The following FRMD3 variants were observed in gnomAD, a reference collection of about 807,000 sequenced individuals.
FRMD3 encodes FERM domain-containing protein 3.
Under a neutral mutation model 70.2 loss-of-function variants are expected in FRMD3, and 33 were observed. The observed-to-expected ratio is 0.47, with a 90% CI of 0.36 to 0.63. The LOEUF (loss-of-function observed/expected upper bound fraction) is 0.63. Among genes scored for constraint, FRMD3 ranks in the 20% least tolerant of loss-of-function variants. The pLI is 0.00. For missense variants in FRMD3, 632 were observed against 711.4 expected, an observed-to-expected ratio of 0.89 and a Z score of 1.27; for synonymous variants, 279 against 255.9, an observed-to-expected ratio of 1.09 and a Z score of -0.86.
intron 3 of FRMD3, among the ~76,000 whole-genome samples, chr9:83,357,242 CATACATATATATATATATATATAT>C (rs1354865099): frequency 0.078 from 1,027 of 13,244 alleles, 111 homozygotes; most frequent in Admixed American, 0.1. Context: ...ATATATAATA[CATACATATATATATATATATATAT>C]ATATATATAT....
intron 13 of FRMD3, among the ~76,000 whole-genome samples, chr9:83,261,102 G>GACACACACACACACACACACACACACAC (rs59345002): frequency 2.3e-5 from 3 of 133,038 alleles, no homozygotes; most frequent in East Asian, 2.3e-4. Flanking sequence ...AGGAAACTTA[G>GACACACACACACACACACACACACACAC]ACACACACAC....
chr9:83,251,106 T>G (rs908927940), intron 13 of FRMD3, among the ~76,000 whole-genome samples: 7 of 152,178 alleles, frequency 4.6e-5, no homozygotes, highest in African/African-American at 1.7e-4. Context: ...TACAGGTGCA[T>G]GCAGGCCAGC....
At chr9:83,267,781 C>A (rs561326454) in intron 13 of FRMD3, among the ~76,000 whole-genome samples, 1 of 152,100 alleles carries the variant, frequency 6.6e-6, no homozygotes, top group Admixed American at 6.5e-5. Context: ...TGGGACGAAG[C>A]CTTTGGAATT....
the FRMD3 span, among the ~76,000 whole-genome samples, chr9:83,554,245 A>G: frequency 6.6e-6 from 1 of 152,110 alleles, no homozygotes; most frequent in Non-Finnish European, 1.5e-5. Context: ...CACAGTTGCA[A>G]CTGTGTTCCC....
intron 1 of FRMD3, among the ~76,000 whole-genome samples, chr9:83,423,631 G>A (rs996924778): frequency 3.0e-5 from 3 of 101,008 alleles, no homozygotes; most frequent in African/African-American, 1.2e-4. Flanking sequence ...AGTTTCGCTT[G>A]CATCGCTCAG....
intron 12 of FRMD3, among the ~76,000 whole-genome samples, chr9:83,292,161 C>CTT (rs11462258): frequency 0.071 from 10,026 of 141,100 alleles, 470 homozygotes; most frequent in African/African-American, 0.11. Flanking sequence ...TTAATAAATA[C>CTT]TTTTTTTTTT....
At chr9:83,407,863 C>CTCTCTCTCTCATCTT (rs1564062649) in intron 1 of FRMD3, among the ~76,000 whole-genome samples, 9 of 119,492 alleles carry the variant, frequency 7.5e-5, no homozygotes, top group Non-Finnish European at 1.5e-4. Context: ...CTCTCTCTCT[C>CTCTCTCTCTCATCTT]TCTCTCTCTC....
chr9:83,321,793 G>A (rs965965818), intron 6 of FRMD3, among the ~76,000 whole-genome samples: 1 of 152,112 alleles, frequency 6.6e-6, no homozygotes, highest in African/African-American at 2.4e-5. Flanking sequence ...TCCCACTATT[G>A]TTGTATTTCT....
At chr9:83,454,795 T>A (rs1827772500) in intron 1 of FRMD3, among the ~76,000 whole-genome samples, 1 of 152,212 alleles carries the variant, frequency 6.6e-6, no homozygotes, top group South Asian at 2.1e-4. Flanking sequence ...CTATTCATCT[T>A]TGCAAACATT....
At chr9:83,357,241 ACATAC>A (rs1306815629) in intron 3 of FRMD3, among the ~76,000 whole-genome samples, 679 of 7,054 alleles carry the variant, frequency 0.096, 102 homozygotes, top group African/African-American at 0.22. Context: ...TATATATAAT[ACATAC>A]ATATATATAT....
In FRMD3 at chr9:83,246,916, C is replaced by T; in HGVS notation, c.*1002G>A. The T allele has an allele frequency of 2.0e-6, 2 of 985,462 alleles. No homozygotes were observed. Among genetic ancestry groups the T allele is most frequent in the South Asian group, 4.7e-5 (1 of 21,294 alleles). 61.0% of individuals were successfully genotyped at this position (985,462 alleles called of 1,614,324 possible). ...CCTGTCACCATTTGCCTGCCAGCCT[C>T]ACCAGAACTCATTTTTGCCACTTTC... On this transcript the variant is annotated 3_prime_UTR_variant, in exon 14 of 14. Coordinates refer to ENST00000304195, the MANE Select transcript of FRMD3 (RefSeq NM_174938.6).
At chr9:83,508,944 C>T (rs1829270069) in intron 1 of FRMD3, among the ~76,000 whole-genome samples, 1 of 152,142 alleles carries the variant, frequency 6.6e-6, no homozygotes, top group Non-Finnish European at 1.5e-5. Flanking sequence ...ATCCCATTCC[C>T]AGGGAAGTCT....
In FRMD3 at chr9:83,312,327, G is replaced by A. The variant is rs1314513990; in HGVS notation, c.685-352C>T. On this transcript the variant is annotated intron_variant, in intron 7 of 13. Transcript: ENST00000304195. ...TAATGTGAGAAAACTGTTCTTGCTT[G>A]CCATTAGCACTCTAACGTGATGAAA... 3.3e-5 allele frequency among the ~76,000 whole-genome samples: 5 copies of A among 152,298 alleles called. No individual in the cohort carries two copies. The East Asian group carries it at 7.7e-4, about 24-fold the overall frequency.
chr9:83,310,564 C>T lies in FRMD3; in HGVS notation c.774-16G>A. On this transcript the variant is annotated splice_polypyrimidine_tract_variant and intron_variant, in intron 8 of 13. Coordinates refer to ENST00000304195, the MANE Select transcript of FRMD3 (RefSeq NM_174938.6). The stretch of plus-strand genomic sequence containing the variant: ...GACATCTGGCCTAAGAAAAGAAAAT[C>T]TCTGGGTAAGAAGAAAAAAAGTGGC... 1 of 1,580,212 alleles carries T rather than the reference C, an allele frequency of 6.3e-7. No individual in the cohort carries two copies. Among genetic ancestry groups the T allele is most frequent in the Non-Finnish European group, 8.5e-7 (1 of 1,170,462 alleles).
At chr9:83,476,482 G>A (rs1180513453) in intron 1 of FRMD3, among the ~76,000 whole-genome samples, 1 of 152,160 alleles carries the variant, frequency 6.6e-6, no homozygotes, top group African/African-American at 2.4e-5. Flanking sequence ...GTTTAGTGAA[G>A]AAGGTGAAGA....
At position 83,347,836 on chromosome 9, in the gene FRMD3, T is replaced by G. The variant is rs186599790; in HGVS notation, c.374+1843A>C. Among the ~76,000 whole-genome samples, 413 of 152,332 alleles carry G rather than the reference T, an allele frequency of 2.7e-3. 3 individuals carry two copies. The highest frequency in any genetic ancestry group is 9.5e-3 in the African/African-American group (396 of 41,576). On this transcript the variant is annotated intron_variant, in intron 4 of 13. Transcript: ENST00000304195. Reference sequence around the variant, plus strand: ...CCACAGTTTCTCAATTCGTTTAGAATTCTAAGGACTGTGTTTACTAAGAAA... The same window carrying G: ...CCACAGTTTCTCAATTCGTTTAGAAGTCTAAGGACTGTGTTTACTAAGAAA...
the FRMD3 span, among the ~76,000 whole-genome samples, chr9:83,571,798 G>A: frequency 6.6e-6 from 1 of 152,182 alleles, no homozygotes; most frequent in Non-Finnish European, 1.5e-5. Context: ...CTTGACAGAG[G>A]AATTTCTGTG....
intron 4 of FRMD3, among the ~76,000 whole-genome samples, chr9:83,346,514 C>G (rs1054726988): frequency 1.3e-5 from 2 of 152,060 alleles, no homozygotes; most frequent in Non-Finnish European, 2.9e-5. Flanking sequence ...AGACAGAAAA[C>G]AGATAAGTGG....
At chr9:83,574,229 C>T in the FRMD3 span, among the ~76,000 whole-genome samples, 1 of 152,142 alleles carries the variant, frequency 6.6e-6, no homozygotes, top group Non-Finnish European at 1.5e-5. Context: ...TTTCCATCTG[C>T]TCCAGGTATG....
Sources: gnomAD v4.1 joint callset for allele counts (sites outside exome capture counted in the v4.1 genomes callset) on GRCh38, gnomAD v4.1.1 for gene constraint, MANE v1.5 for transcripts, NCBI Gene and HGNC (gene_info 2026-07-23, HGNC 2026-07-21) for gene names.